The following PATJ variants were observed in gnomAD, a reference collection of about 807,000 sequenced individuals.
PATJ encodes PATJ crumbs cell polarity complex component.
PATJ carries 190 observed loss-of-function variants against 224.9 expected under a neutral mutation model. That is an observed-to-expected ratio of 0.84 (90% CI 0.75 to 0.95). The LOEUF is 0.95. Ranked by LOEUF, PATJ falls within the 40% of genes least tolerant of loss-of-function variation. The pLI, the probability that PATJ is intolerant of heterozygous loss-of-function variation, is 0.00. For synonymous variants in PATJ, 769 were observed against 820.3 expected (o/e 0.94, Z 1.07); for missense variants, 2,121 against 2,270.3 (o/e 0.93, Z 1.34).
chr1:61,809,095 C>A (rs1325002841), intron 14 of PATJ, among the ~76,000 whole-genome samples: 2 of 152,158 alleles, frequency 1.3e-5, no homozygotes, highest in South Asian at 4.1e-4. Flanking sequence ...GAACTTAAAA[C>A]GTTTTTGGTA....
intron 27 of PATJ, among the ~76,000 whole-genome samples, chr1:61,965,161 AGG>A (rs1491043407): frequency 7.4e-6 from 1 of 134,300 alleles, no homozygotes; most frequent in Non-Finnish European, 1.6e-5. Context: ...AAAAAAAAAA[AGG>A]AGCCTTCATG....
chr1:61,753,976 G>T (rs1645477803), intron 1 of PATJ, among the ~76,000 whole-genome samples: 1 of 151,980 alleles, frequency 6.6e-6, no homozygotes, highest in Non-Finnish European at 1.5e-5. Context: ...GTTTTAAAAA[G>T]CCACAATATT....
Position 62,128,074 on chromosome 1 carries a change from G to T in PATJ, c.5146G>T (p.Ala1716Ser), listed in dbSNP as rs372520080. Residue 1716 changes from alanine to serine, a missense_variant, in exon 40 of 44, where the codon GCA becomes TCA. Physicochemically the swap from Ala to Ser is moderately conservative, Grantham distance 99 (BLOSUM62 1). Transcript: ENST00000642238. The stretch of plus-strand genomic sequence containing the variant: ...CATGATTCAGGCTAGCGGAGTGGCC[G>T]CACGGACACAGAAGCTTAAAGTAAA... Reference protein sequence around the residue: ...IAMIQASGVAARTQKLKVGDR... With the variant: ...IAMIQASGVASRTQKLKVGDR... 2 of 1,613,922 alleles carry T rather than the reference G, an allele frequency of 1.2e-6. No homozygotes were observed. Among genetic ancestry groups the T allele is most frequent in the Non-Finnish European group, 1.7e-6 (2 of 1,179,982 alleles).
intron 14 of PATJ, among the ~76,000 whole-genome samples, chr1:61,819,631 T>C (rs1553169221): frequency 6.9e-6 from 1 of 144,366 alleles, no homozygotes. Flanking sequence ...GGGGCGCGGG[T>C]GGGAAGGCAG....
At chr1:61,842,545 T>C (rs527687820) in intron 17 of PATJ, among the ~76,000 whole-genome samples, 1 of 152,274 alleles carries the variant, frequency 6.6e-6, no homozygotes, top group South Asian at 2.1e-4. Context: ...TCTACTGTAT[T>C]ACCTTTAGTG....
intron 14 of PATJ, among the ~76,000 whole-genome samples, chr1:61,810,920 G>C (rs1977737): frequency 6.6e-6 from 1 of 151,838 alleles, no homozygotes; most frequent in Admixed American, 6.6e-5. Context: ...GGGAAACTCC[G>C]TCTCAAAGAC....
chr1:61,911,689 A>T (rs924717329), intron 25 of PATJ, among the ~76,000 whole-genome samples: 4 of 121,974 alleles, frequency 3.3e-5, no homozygotes, highest in African/African-American at 1.9e-4. Flanking sequence ...CATCATCTAT[A>T]TATTTTTATA....
intron 16 of PATJ, among the ~76,000 whole-genome samples, chr1:61,829,774 C>A (rs1658982683): frequency 6.6e-6 from 1 of 152,100 alleles, no homozygotes; most frequent in African/African-American, 2.4e-5. Context: ...TATTCTTAAA[C>A]CCTATCTGGT....
chr1:62,140,772 G>A (rs1489016220), intron 41 of PATJ, among the ~76,000 whole-genome samples: 1 of 152,130 alleles, frequency 6.6e-6, no homozygotes, highest in East Asian at 1.9e-4. Context: ...AGCTGGTCTC[G>A]GTGGTTCACG....
intron 25 of PATJ, among the ~76,000 whole-genome samples, chr1:61,912,320 G>A (rs1043281613): frequency 1.1e-4 from 16 of 152,090 alleles, no homozygotes; most frequent in African/African-American, 3.4e-4. Context: ...TGGGCTGGGC[G>A]CAGTGGCTCA....
At chr1:62,159,092 T>C (rs925741825) in intron 43 of PATJ, among the ~76,000 whole-genome samples, 2 of 152,256 alleles carry the variant, frequency 1.3e-5, no homozygotes, top group African/African-American at 4.8e-5. Flanking sequence ...AAATCAACTT[T>C]GCCTAGTAAT....
chr1:61,781,949 A>G (rs1397563952), intron 7 of PATJ, among the ~76,000 whole-genome samples: 1 of 152,258 alleles, frequency 6.6e-6, no homozygotes. Flanking sequence ...TTATGACCAC[A>G]CATCTGAAAT....
At chr1:61,902,360 AT>A (rs1671302229) in intron 24 of PATJ, among the ~76,000 whole-genome samples, 1 of 151,820 alleles carries the variant, frequency 6.6e-6, no homozygotes, top group Non-Finnish European at 1.5e-5. Context: ...TTCTTGATTC[AT>A]TCTTTATGAT....
chr1:61,903,353 C>A (rs79917994), intron 24 of PATJ, among the ~76,000 whole-genome samples: 1,944 of 152,248 alleles, frequency 0.013, 38 homozygotes, highest in African/African-American at 0.044. Context: ...AATTCAAAAG[C>A]TTTTCAGCTT....
intron 17 of PATJ, among the ~76,000 whole-genome samples, chr1:61,837,114 A>T (rs1416027768): frequency 1.3e-5 from 2 of 152,204 alleles, no homozygotes; most frequent in Non-Finnish European, 2.9e-5. Context: ...GTGTTTATGT[A>T]CCTCCAAATT....
At chr1:61,931,497 C>CGA (rs755486735) in intron 27 of PATJ, among the ~76,000 whole-genome samples, 4 of 152,328 alleles carry the variant, frequency 2.6e-5, no homozygotes, top group Non-Finnish European at 4.4e-5. Context: ...GGTGCAGTGG[C>CGA]TCACGCCTGT....
At chr1:61,766,711 A>C (rs1646292890) in intron 4 of PATJ, among the ~76,000 whole-genome samples, 1 of 152,200 alleles carries the variant, frequency 6.6e-6, no homozygotes, top group African/African-American at 2.4e-5. Context: ...CTTTTTAAAA[A>C]AAAATTAACA....
intron 35 of PATJ, chr1:62,114,525 C>T (rs191137105): frequency 1.6e-3 from 447 of 283,926 alleles, no homozygotes; most frequent in Non-Finnish European, 2.1e-3. Context: ...TTACTAAGAT[C>T]GGAGTTTTGC....
chr1:61,951,484 A>AT (rs1679672863), intron 27 of PATJ, among the ~76,000 whole-genome samples: 1 of 151,888 alleles, frequency 6.6e-6, no homozygotes, highest in African/African-American at 2.4e-5. Context: ...ATACTGTATA[A>AT]TTGGTAGATA....
Sources: allele counts gnomAD v4.1 joint callset (sites outside exome capture counted in the v4.1 genomes callset), GRCh38; gene constraint gnomAD v4.1.1; transcripts MANE v1.5; gene names NCBI Gene and HGNC (gene_info 2026-07-23, HGNC 2026-07-21).